The following PPP2R3C variants were observed in gnomAD, a reference collection of about 807,000 sequenced individuals.
PPP2R3C encodes the protein protein phosphatase 2 regulatory subunit B''gamma.
A neutral mutation model predicts 63.7 loss-of-function variants in PPP2R3C; 47 were observed. That is an observed-to-expected ratio of 0.74 (90% CI 0.58 to 0.94). PPP2R3C has a LOEUF of 0.94. PPP2R3C is among the 40% of genes least tolerant of loss of function. The pLI is 0.00. For missense variants in PPP2R3C, 421 were observed against 518.4 expected (o/e 0.81, Z 1.82); for synonymous variants, 180 against 177.4 (o/e 1.01, Z -0.12).
At chr14:35,086,397 C>T (rs2045595095) in intron 12 of PPP2R3C, 1 of 152,080 alleles carries the variant, frequency 6.6e-6, no homozygotes, top group Non-Finnish European at 1.5e-5. Flanking sequence ...GGGGGTTTCA[C>T]CATATTGGCC....
chr14:35,121,183 C>G (rs6571695), intron 1 of PPP2R3C, among the ~76,000 whole-genome samples: 16,085 of 152,092 alleles, frequency 0.11, 1,078 homozygotes, highest in African/African-American at 0.19. Context: ...TTGAGACCAG[C>G]CTGGCCAATA....
chr14:35,120,357 G>A (rs1334603088), intron 1 of PPP2R3C, among the ~76,000 whole-genome samples: 2 of 151,694 alleles, frequency 1.3e-5, no homozygotes, highest in African/African-American at 4.8e-5. Flanking sequence ...GTATTCTCCT[G>A]CCTCAACCTC....
intron 6 of PPP2R3C, among the ~76,000 whole-genome samples, chr14:35,103,333 G>T (rs2046255110): frequency 6.6e-6 from 1 of 152,142 alleles, no homozygotes; most frequent in South Asian, 2.1e-4. Flanking sequence ...TGGAGACACT[G>T]TATTTGCCGT....
At position 35,090,711 on chromosome 14, in the gene PPP2R3C, A is replaced by ATTTT. The variant is rs35890780; in HGVS notation, c.1113+355_1113+358dup. On this transcript the variant is annotated intron_variant, in intron 11 of 12. Transcript: ENST00000261475. ...GCCACTGCTTTTGCTGCATCTCACA[A>ATTTT]TTTTTTTTTTTTTTTTTTTTTTGAG... is the stretch of plus-strand genomic sequence containing the variant. 1.5e-3 allele frequency among the ~76,000 whole-genome samples: 166 copies of ATTTT among 110,314 alleles called. 1 individual carries two copies. The highest frequency in any genetic ancestry group is 2.2e-3 in the African/African-American group (63 of 28,340). The allele number at this position is 110,314 out of a possible 152,430, so 72.4% of individuals were successfully genotyped here. A position where few individuals can be genotyped will look rare whatever the true frequency, so the allele number is the denominator to read the frequency against.
intron 10 of PPP2R3C, 121 bp from the exon 11 acceptor site, chr14:35,091,328 TATG>T (rs1363807559): frequency 1.0e-6 from 1 of 965,518 alleles, no homozygotes; most frequent in Admixed American, 3.2e-5. Flanking sequence ...TTCCCTAAGT[TATG>T]ATATGAGAAA....
rs368541297 is a variant in PPP2R3C, at chr14:35,089,644, A to G, written c.1113+1426T>C. On this transcript the variant is annotated intron_variant, in intron 11 of 12. Transcript: ENST00000261475. ...GCTAGGATTACAGGTGTGAGCCACC[A>G]TGCCTGGGGTATGATTTTTTAATTT... 2.0e-5 allele frequency among the ~76,000 whole-genome samples: 3 copies of G among 151,386 alleles called. No homozygotes were observed. In the East Asian group the frequency reaches 5.9e-4, roughly 30 times the overall value.
chr14:35,103,936 A>C (rs1327270594), intron 6 of PPP2R3C, among the ~76,000 whole-genome samples: 3 of 152,224 alleles, frequency 2.0e-5, no homozygotes, highest in Non-Finnish European at 2.9e-5. Context: ...CTTTGAGAAA[A>C]GTGTTTTCTT....
At chr14:35,114,597 A>G (rs566184251) in intron 2 of PPP2R3C, among the ~76,000 whole-genome samples, 2 of 152,162 alleles carry the variant, frequency 1.3e-5, no homozygotes, top group African/African-American at 4.8e-5. Flanking sequence ...CTAAATAGGT[A>G]TTTTTCAGTA....
At chr14:35,108,110 G>C (rs1448237879) in intron 5 of PPP2R3C, 29 bp downstream of exon 5, 2 of 1,594,516 alleles carry the variant, frequency 1.3e-6, no homozygotes, top group Non-Finnish European at 1.7e-6. Flanking sequence ...TCCCAGATAA[G>C]GAGTTCAAGC....
At chr14:35,110,059 G>C in intron 3 of PPP2R3C, 128 bp from the exon 4 acceptor site, 1 of 662,316 alleles carries the variant, frequency 1.5e-6, no homozygotes, top group Non-Finnish European at 2.5e-6. Flanking sequence ...TGAATCTCAT[G>C]CCCTATTATC....
intron 6 of PPP2R3C, 121 bp downstream of exon 6, chr14:35,107,183 C>CAG: frequency 1.5e-6 from 1 of 678,764 alleles, no homozygotes; most frequent in Non-Finnish European, 2.4e-6. Flanking sequence ...CAAACACACA[C>CAG]AGACAGAAAT....
rs1263953433 is a variant in PPP2R3C, at chr14:35,108,161, G to A, written c.480C>T (p.Phe160=). The A allele has an allele frequency of 1.2e-6, 2 of 1,607,032 alleles. No homozygotes were observed. The highest frequency in any genetic ancestry group is 8.5e-7 in the Non-Finnish European group (1 of 1,178,092). ...CACCTTTTCTCATGACATAATTAAA[G>A]AACTGCATGATGGAAATTCTTCCAT... ...DSYGRISIMQ[F]FNYVMRKVWL... Residue 160 remains phenylalanine, a synonymous_variant, in exon 5 of 13, where the codon TTC becomes TTT. Transcript: ENST00000261475.
intron 10 of PPP2R3C, among the ~76,000 whole-genome samples, chr14:35,093,167 C>G (rs986301630): frequency 6.6e-6 from 1 of 151,850 alleles, no homozygotes; most frequent in Admixed American, 6.6e-5. Flanking sequence ...GAGCCGAGAT[C>G]GCGCCACTGC....
At chr14:35,096,252 G>A (rs1007913327) in intron 9 of PPP2R3C, among the ~76,000 whole-genome samples, 1 of 151,936 alleles carries the variant, frequency 6.6e-6, no homozygotes, top group Non-Finnish European at 1.5e-5. Context: ...GGTGGGGTAG[G>A]GGCACTGAGG....
chr14:35,103,182 C>T (rs911991050), intron 6 of PPP2R3C, among the ~76,000 whole-genome samples: 1 of 152,176 alleles, frequency 6.6e-6, no homozygotes, highest in African/African-American at 2.4e-5. Flanking sequence ...AAAATAAATC[C>T]AAAGTCCTTA....
intron 6 of PPP2R3C, among the ~76,000 whole-genome samples, chr14:35,104,065 C>T (rs2138666897): frequency 6.6e-6 from 1 of 152,272 alleles, no homozygotes; most frequent in East Asian, 1.9e-4. Flanking sequence ...TGGAAAGAGG[C>T]AAGACAAGCA....
At chr14:35,088,618 G>A (rs1200972795) in intron 11 of PPP2R3C, among the ~76,000 whole-genome samples, 6 of 152,254 alleles carry the variant, frequency 3.9e-5, no homozygotes, top group East Asian at 1.9e-4. Flanking sequence ...CTTTGTTCCC[G>A]ATGCCTACTC....
At chr14:35,096,443 G>A (rs1455273037) in intron 9 of PPP2R3C, 115 bp downstream of exon 9, 4 of 978,560 alleles carry the variant, frequency 4.1e-6, no homozygotes, top group Non-Finnish European at 4.6e-6. Context: ...TAAAGCTTAA[G>A]GTAATTAAAT....
intron 9 of PPP2R3C, 100 bp from the exon 10 acceptor site, chr14:35,095,284 T>C: frequency 8.4e-7 from 1 of 1,191,256 alleles, no homozygotes; most frequent in Non-Finnish European, 1.2e-6. Flanking sequence ...ATTTTGATTT[T>C]CAAACTATTC....
Sources: allele counts gnomAD v4.1 joint callset (sites outside exome capture counted in the v4.1 genomes callset), GRCh38; gene constraint gnomAD v4.1.1; transcripts MANE v1.5; gene names NCBI Gene and HGNC (gene_info 2026-07-23, HGNC 2026-07-21).